Variants in PTCHD4 observed in about 807,000 individuals in gnomAD.
PTCHD4 encodes patched domain-containing protein 4.
PTCHD4 carries 33 observed loss-of-function variants against 58.1 expected under a neutral mutation model. That is an observed-to-expected ratio of 0.57 (90% CI 0.43 to 0.76). The LOEUF (loss-of-function observed/expected upper bound fraction) is 0.76, where lower values mean the gene tolerates loss of function less well. Ranked by LOEUF, PTCHD4 falls within the 30% of genes least tolerant of loss-of-function variation. The pLI is 0.00. For synonymous variants in PTCHD4, 478 were observed against 409.6 expected (o/e 1.17, Z -2.02); for missense variants, 1,058 against 1,027.1 (o/e 1.03, Z -0.41).
chr6:47,909,491 T>A (rs1764998505), intron 4 of PTCHD4, among the ~76,000 whole-genome samples: 1 of 152,266 alleles, frequency 6.6e-6, no homozygotes, highest in South Asian at 2.1e-4. Context: ...AAAATTTAAA[T>A]ATTTTAATAT....
intron 4 of PTCHD4, among the ~76,000 whole-genome samples, chr6:47,967,693 G>A (rs1227602497): frequency 6.6e-6 from 1 of 152,208 alleles, no homozygotes; most frequent in African/African-American, 2.4e-5. Context: ...CTTGGTACCA[G>A]CACTTATTGC....
chr6:47,952,218 T>A (rs1157676834), intron 4 of PTCHD4, among the ~76,000 whole-genome samples: 2 of 152,160 alleles, frequency 1.3e-5, no homozygotes, highest in Non-Finnish European at 2.9e-5. Flanking sequence ...TCTATTTTAA[T>A]GTAAGCTTTT....
intron 4 of PTCHD4, among the ~76,000 whole-genome samples, chr6:47,910,165 CATCTTCCTTAGTTA>C (rs1561952095): frequency 6.6e-6 from 1 of 152,140 alleles, no homozygotes; most frequent in Non-Finnish European, 1.5e-5. Context: ...GATACAATGT[CATCTTCCTTAGTTA>C]ATATTTTGGT....
intron 4 of PTCHD4, among the ~76,000 whole-genome samples, chr6:47,922,216 TCA>T (rs1765455624): frequency 6.6e-6 from 1 of 152,192 alleles, no homozygotes; most frequent in Admixed American, 6.5e-5. Context: ...GTTATTATAT[TCA>T]AATTTTCATT....
intron 3 of PTCHD4, among the ~76,000 whole-genome samples, chr6:48,058,615 G>T (rs573020513): frequency 4.9e-4 from 75 of 152,194 alleles, no homozygotes; most frequent in African/African-American, 1.6e-3. Context: ...GCCAGCAAAC[G>T]GTAGAGAACC....
intron 3 of PTCHD4, among the ~76,000 whole-genome samples, chr6:48,065,071 T>A (rs1335484819): frequency 6.6e-6 from 1 of 152,164 alleles, no homozygotes; most frequent in Non-Finnish European, 1.5e-5. Flanking sequence ...AACATAATCA[T>A]GTTTATCAGA....
chr6:47,884,139 T>C (rs1400329933), intron 4 of PTCHD4, among the ~76,000 whole-genome samples: 2 of 152,118 alleles, frequency 1.3e-5, no homozygotes, highest in African/African-American at 2.4e-5. Context: ...TATTCATTTA[T>C]GTATCTACCC....
At chr6:48,084,075 C>G (rs761567175) in intron 1 of PTCHD4, among the ~76,000 whole-genome samples, 9 of 151,844 alleles carry the variant, frequency 5.9e-5, no homozygotes, top group Non-Finnish European at 1.2e-4. Flanking sequence ...TCGAATTTAG[C>G]GTTCTCAACC....
chr6:47,890,809 A>G, intron 4 of PTCHD4: 1 of 736,788 alleles, frequency 1.4e-6, no homozygotes, highest in African/African-American at 1.9e-5. Context: ...GCCAGCACAC[A>G]CAGGATGGCT....
intron 4 of PTCHD4, among the ~76,000 whole-genome samples, chr6:47,893,751 T>C (rs1317359153): frequency 6.6e-6 from 1 of 152,226 alleles, no homozygotes; most frequent in Non-Finnish European, 1.5e-5. Flanking sequence ...TAATATTATA[T>C]AGTTGTAGCA....
intron 4 of PTCHD4, among the ~76,000 whole-genome samples, chr6:47,903,554 A>G (rs998103352): frequency 1.3e-5 from 2 of 152,114 alleles, no homozygotes; most frequent in African/African-American, 4.8e-5. Flanking sequence ...GGCCCAAGCG[A>G]TCTGGCTGCC....
chr6:47,871,693 G>A lies in PTCHD4; in HGVS notation c.*6610C>T, dbSNP rs1432682151. ...TATTGCTTTGTGGCTTTAATATATT[G>A]CCATTTAATCAAAGATTGCATGCCA... On this transcript the variant is annotated 3_prime_UTR_variant, in exon 5 of 5. Transcript: ENST00000339488. 1.3e-5 allele frequency among the ~76,000 whole-genome samples: 2 copies of A among 151,602 alleles called. No individual in the cohort carries two copies. Among genetic ancestry groups the A allele is most frequent in the African/African-American group, 2.4e-5 (1 of 41,352 alleles).
chr6:48,057,037 G>C (rs1341489404), intron 3 of PTCHD4, among the ~76,000 whole-genome samples: 1 of 152,188 alleles, frequency 6.6e-6, no homozygotes, highest in Non-Finnish European at 1.5e-5. Context: ...TGGGTGTCCT[G>C]TATTTTTACT....
chr6:48,076,323 TA>T (rs1765063991), intron 1 of PTCHD4, among the ~76,000 whole-genome samples: 1 of 152,208 alleles, frequency 6.6e-6, no homozygotes, highest in African/African-American at 2.4e-5. Flanking sequence ...AAGTTATCCA[TA>T]AGGGTTGGAA....
Position 47,867,263 on chromosome 6 carries a change from G to A in PTCHD4, c.*11040C>T, listed in dbSNP as rs1410828. On this transcript the variant is annotated 3_prime_UTR_variant, in exon 5 of 5. Coordinates refer to ENST00000339488, the MANE Select transcript of PTCHD4 (RefSeq NM_001384253.1). The stretch of plus-strand genomic sequence containing the variant: ...ACTTTGAGGGCTTTTGTGCCAGAAC[G>A]TGGACGGTGTTCCATCATCAGGAGA... Among the ~76,000 whole-genome samples the A allele has an allele frequency of 0.67, 101,084 of 151,612 alleles. 34,189 individuals carry two copies. The highest frequency in any genetic ancestry group is 0.78 in the East Asian group (4,010 of 5,118).
At chr6:47,952,212 T>C (rs982338711) in intron 4 of PTCHD4, among the ~76,000 whole-genome samples, 3 of 152,292 alleles carry the variant, frequency 2.0e-5, no homozygotes, top group Non-Finnish European at 2.9e-5. Context: ...TCCATGTCTA[T>C]TTTAATGTAA....
intron 4 of PTCHD4, among the ~76,000 whole-genome samples, chr6:47,880,530 T>TAA (rs113295521): frequency 1.7e-4 from 26 of 149,452 alleles, no homozygotes; most frequent in Admixed American, 7.3e-4. Context: ...ATGTGAGTTT[T>TAA]TAAAAAAAAA....
chr6:47,937,110 G>C (rs1192052650), intron 4 of PTCHD4, among the ~76,000 whole-genome samples: 1 of 152,228 alleles, frequency 6.6e-6, no homozygotes, highest in Non-Finnish European at 1.5e-5. Context: ...ACCCCTTGCA[G>C]GCCACTGTGA....
At chr6:48,013,442 C>T (rs1314473822) in intron 3 of PTCHD4, among the ~76,000 whole-genome samples, 2 of 142,880 alleles carry the variant, frequency 1.4e-5, no homozygotes, top group African/African-American at 5.2e-5. Context: ...CATCTTTTTC[C>T]TTTTGGAATC....
Sources: allele counts gnomAD v4.1 joint callset (sites outside exome capture counted in the v4.1 genomes callset), GRCh38; gene constraint gnomAD v4.1.1; transcripts MANE v1.5; gene names NCBI Gene and HGNC (gene_info 2026-07-23, HGNC 2026-07-21).